The following TRAF3 variants were observed in gnomAD, a reference collection of about 807,000 sequenced individuals.
TRAF3 encodes the protein TNF receptor-associated factor 3.
Under a neutral mutation model 62.3 loss-of-function variants are expected in TRAF3, and 13 were observed. The observed-to-expected ratio is 0.21, with a 90% CI of 0.14 to 0.33. The LOEUF (loss-of-function observed/expected upper bound fraction) is 0.33. Ranked by LOEUF, TRAF3 falls within the 10% of genes least tolerant of loss-of-function variation. The pLI is 1.00. For missense variants in TRAF3, 440 were observed against 741.8 expected, an observed-to-expected ratio of 0.59 and a Z score of 4.73; for synonymous variants, 269 against 283.4, an observed-to-expected ratio of 0.95 and a Z score of 0.51.
intron 2 of TRAF3, among the ~76,000 whole-genome samples, chr14:102,859,510 A>G (rs1259836936): frequency 4.6e-5 from 7 of 152,188 alleles, no homozygotes; most frequent in Admixed American, 4.6e-4. Flanking sequence ...AAGTTTAACA[A>G]TTTTCAAAAG....
chr14:102,870,734 C>T (rs1316666836), intron 3 of TRAF3, among the ~76,000 whole-genome samples: 1 of 152,140 alleles, frequency 6.6e-6, no homozygotes, highest in Non-Finnish European at 1.5e-5. Flanking sequence ...ATTGAGGAAC[C>T]TCACAGTTCC....
chr14:102,817,565 T>G (rs1899610755), intron 1 of TRAF3, among the ~76,000 whole-genome samples: 1 of 152,064 alleles, frequency 6.6e-6, no homozygotes, highest in African/African-American at 2.4e-5. Flanking sequence ...AGGCAGGCCT[T>G]CCTTTCAGCA....
intron 2 of TRAF3, among the ~76,000 whole-genome samples, chr14:102,854,011 G>A (rs796150763): frequency 2.2e-4 from 34 of 152,118 alleles, no homozygotes; most frequent in African/African-American, 8.2e-4. Flanking sequence ...GCCTATTCTG[G>A]ACATTTCATG....
intron 6 of TRAF3, among the ~76,000 whole-genome samples, chr14:102,878,655 G>A (rs934118663): frequency 1.1e-4 from 17 of 152,302 alleles, no homozygotes; most frequent in Admixed American, 8.5e-4. Flanking sequence ...AAATCAGGTG[G>A]CATCAAGGGA....
intron 2 of TRAF3, among the ~76,000 whole-genome samples, chr14:102,863,673 A>ACATCT (rs1887808233): frequency 6.6e-6 from 1 of 152,212 alleles, no homozygotes; most frequent in African/African-American, 2.4e-5. Context: ...ATTTTCCAAA[A>ACATCT]CATCTTACTC....
At chr14:102,857,415 A>T (rs1478911325) in intron 2 of TRAF3, among the ~76,000 whole-genome samples, 1 of 152,206 alleles carries the variant, frequency 6.6e-6, no homozygotes, top group Non-Finnish European at 1.5e-5. Flanking sequence ...TGGCCTGATT[A>T]TTTGTATAAA....
intron 1 of TRAF3, among the ~76,000 whole-genome samples, chr14:102,787,706 A>G (rs1026630467): frequency 6.6e-6 from 1 of 151,406 alleles, no homozygotes; most frequent in Non-Finnish European, 1.5e-5. Flanking sequence ...AACAACAACA[A>G]CACTTCGATT....
chr14:102,780,327 GAAA>G (rs77846227), intron 1 of TRAF3, among the ~76,000 whole-genome samples: 3 of 145,738 alleles, frequency 2.1e-5, no homozygotes, highest in African/African-American at 5.0e-5. Context: ...AAATAGAAAA[GAAA>G]AAAAAAACCG....
intron 1 of TRAF3, among the ~76,000 whole-genome samples, chr14:102,827,471 A>G (rs1192083617): frequency 2.0e-5 from 3 of 152,196 alleles, no homozygotes; most frequent in Admixed American, 6.5e-5. Flanking sequence ...CACCTTATAC[A>G]CATAGCCTGA....
chr14:102,794,399 T>C (rs1220700513), intron 1 of TRAF3, among the ~76,000 whole-genome samples: 1 of 152,158 alleles, frequency 6.6e-6, no homozygotes, highest in Non-Finnish European at 1.5e-5. Context: ...CCCAGGCTGG[T>C]CTTGAACTCC....
At position 102,792,032 on chromosome 14, in the gene TRAF3, C is replaced by G. The variant is rs1897820315; in HGVS notation, c.-157+14357C>G. ...GATGGGTTTCGCCATGTTGCCCAGGCTAGTCCCAAACTCCTGAGCAGTCAG... is the reference window on the plus strand; with the variant it reads ...GATGGGTTTCGCCATGTTGCCCAGGGTAGTCCCAAACTCCTGAGCAGTCAG... On this transcript the variant is annotated intron_variant, in intron 1 of 11. Transcript: ENST00000392745. Among the ~76,000 whole-genome samples the G allele has an allele frequency of 1.3e-5, 2 of 149,542 alleles. 1 individual carries two copies. The highest frequency in any genetic ancestry group is 4.2e-4 in the South Asian group (2 of 4,752).
intron 6 of TRAF3, chr14:102,876,806 G>T: frequency 2.4e-6 from 1 of 419,840 alleles, no homozygotes; most frequent in East Asian, 5.0e-5. Flanking sequence ...CAAGCCTTCC[G>T]CTCAATTCGT....
chr14:102,856,884 A>G (rs1313804697), intron 2 of TRAF3, among the ~76,000 whole-genome samples: 3 of 152,206 alleles, frequency 2.0e-5, no homozygotes, highest in African/African-American at 7.2e-5. Context: ...AGAAAGCATC[A>G]ATATGGTGAG....
chr14:102,787,962 A>T (rs994846669), intron 1 of TRAF3, among the ~76,000 whole-genome samples: 2 of 149,940 alleles, frequency 1.3e-5, no homozygotes, highest in Non-Finnish European at 3.0e-5. Flanking sequence ...AGCCATTCTC[A>T]TGCCTCAGCC....
At chr14:102,782,305 C>G (rs1423389425) in intron 1 of TRAF3, among the ~76,000 whole-genome samples, 1 of 152,046 alleles carries the variant, frequency 6.6e-6, no homozygotes, top group Non-Finnish European at 1.5e-5. Context: ...GCAATCTTGG[C>G]TCACTGCAGC....
At chr14:102,789,273 G>A (rs181856139) in intron 1 of TRAF3, among the ~76,000 whole-genome samples, 66 of 152,126 alleles carry the variant, frequency 4.3e-4, no homozygotes, top group Admixed American at 5.9e-4. Context: ...TTGTTCATGG[G>A]CATTTGGATT....
intron 2 of TRAF3, among the ~76,000 whole-genome samples, chr14:102,862,750 C>G (rs779059926): frequency 1.5e-4 from 23 of 152,148 alleles, no homozygotes; most frequent in Non-Finnish European, 2.6e-4. Context: ...TATGTTGGTA[C>G]AATTGATGGT....
At chr14:102,860,816 G>C (rs1301307274) in intron 2 of TRAF3, among the ~76,000 whole-genome samples, 2 of 152,224 alleles carry the variant, frequency 1.3e-5, no homozygotes, top group Non-Finnish European at 2.9e-5. Flanking sequence ...AGTAAATTTT[G>C]AGCTTGCAAA....
chr14:102,790,296 T>C (rs767508299), intron 1 of TRAF3, among the ~76,000 whole-genome samples: 28 of 152,226 alleles, frequency 1.8e-4, no homozygotes, highest in Non-Finnish European at 2.1e-4. Flanking sequence ...TGAATCGTCT[T>C]GGCACCCTTG....
Sources: gnomAD v4.1 joint callset for allele counts (sites outside exome capture counted in the v4.1 genomes callset) on GRCh38, gnomAD v4.1.1 for gene constraint, MANE v1.5 for transcripts, NCBI Gene and HGNC (gene_info 2026-07-23, HGNC 2026-07-21) for gene names.